The following ATG4A variants were observed in gnomAD, a reference collection of about 807,000 sequenced individuals.
ATG4A encodes autophagy related 4A cysteine peptidase.
In ATG4A, 22 loss-of-function variants were observed where a neutral mutation model predicts 38.4. The ratio of observed to expected loss-of-function variants is 0.57; its 90% CI spans 0.41 to 0.82. The LOEUF (loss-of-function observed/expected upper bound fraction) is 0.82, where lower values mean the gene tolerates loss of function less well. Ranked by LOEUF, ATG4A falls within the 40% of genes least tolerant of loss-of-function variation. The pLI is 0.00. For missense variants in ATG4A, 220 were observed against 290.0 expected (o/e 0.76, Z 1.75); for synonymous variants, 86 against 100.7 (o/e 0.85, Z 0.88).
chrX:108,091,397 G>A (rs2147945345), upstream of ATG4A: 1 of 1,204,965 alleles, frequency 8.3e-7, no homozygotes, highest in South Asian at 1.8e-5. Context: ...GAGACCTAGC[G>A]TTGCTTTACC....
At chrX:108,106,053 C>T (rs749449467) in intron 1 of ATG4A, among the ~76,000 whole-genome samples, 1 of 111,748 alleles carries the variant, frequency 8.9e-6, no homozygotes, top group South Asian at 3.7e-4. Flanking sequence ...TGTAGGGGAA[C>T]AAGGGCTGGA....
At chrX:108,093,680 A>G (rs1203029545) in intron 1 of ATG4A, among the ~76,000 whole-genome samples, 6 of 112,438 alleles carry the variant, frequency 5.3e-5, no homozygotes, top group African/African-American at 6.5e-5. Flanking sequence ...TTGCACTTCC[A>G]CTAGCAATGT....
intron 1 of ATG4A, among the ~76,000 whole-genome samples, chrX:108,119,523 A>G (rs2032595978): frequency 8.9e-6 from 1 of 111,895 alleles, no homozygotes; most frequent in Admixed American, 9.5e-5. Context: ...ATTCTATTCA[A>G]TTTCATTTTT....
intron 9 of ATG4A, among the ~76,000 whole-genome samples, chrX:108,149,015 A>C (rs1277813167): frequency 5.3e-5 from 6 of 112,989 alleles, no homozygotes; most frequent in African/African-American, 1.6e-4. Flanking sequence ...CGATGACCCT[A>C]GTTTAAAAAC....
chrX:108,152,008 G>T, intron 11 of ATG4A, 150 bp downstream of exon 11: 2 of 531,647 alleles, frequency 3.8e-6, no homozygotes, highest in Non-Finnish European at 5.8e-6. Context: ...ACTATCAGGT[G>T]TGGGGAATTG....
intron 1 of ATG4A, among the ~76,000 whole-genome samples, chrX:108,099,374 G>A (rs1049780515): frequency 9.0e-5 from 10 of 111,047 alleles, no homozygotes; most frequent in African/African-American, 1.3e-4. Flanking sequence ...TTTTCAGAGT[G>A]CTTTATGTAT....
intron 3 of ATG4A, among the ~76,000 whole-genome samples, chrX:108,129,569 C>CTTTTTTTTT (rs764613277): frequency 4.2e-5 from 4 of 96,184 alleles, no homozygotes; most frequent in Non-Finnish European, 8.4e-5. Flanking sequence ...TCTTTTCTTT[C>CTTTTTTTTT]TTTTTTTTTT....
At chrX:108,149,748 C>A (rs1009179315) in intron 9 of ATG4A, among the ~76,000 whole-genome samples, 1 of 112,072 alleles carries the variant, frequency 8.9e-6, no homozygotes, top group Admixed American at 9.4e-5. Flanking sequence ...GCAGTCTAGC[C>A]TGAGATGCTT....
chrX:108,108,563 C>T (rs756569242), intron 1 of ATG4A, among the ~76,000 whole-genome samples: 2 of 110,814 alleles, frequency 1.8e-5, no homozygotes, highest in South Asian at 7.7e-4. Flanking sequence ...ACGATCACTA[C>T]CTTCACTGGT....
chrX:108,140,987 C>CGT (rs1569311428), intron 9 of ATG4A, among the ~76,000 whole-genome samples: 1 of 72,989 alleles, frequency 1.4e-5, no homozygotes, highest in Non-Finnish European at 2.4e-5. Flanking sequence ...CATATATATA[C>CGT]GTATATATAT....
At chrX:108,115,613 A>G (rs972290986) in intron 1 of ATG4A, among the ~76,000 whole-genome samples, 1 of 112,378 alleles carries the variant, frequency 8.9e-6, no homozygotes, top group Non-Finnish European at 1.9e-5. Flanking sequence ...AAAGTATGGT[A>G]CACCACAAAT....
intron 4 of ATG4A, among the ~76,000 whole-genome samples, chrX:108,132,975 A>G (rs1002865117): frequency 8.9e-6 from 1 of 111,870 alleles, no homozygotes; most frequent in Admixed American, 9.5e-5. Context: ...TAGAGTATTC[A>G]CTTGCCATTG....
At position 108,097,289 on chromosome X, in the gene ATG4A, G is replaced by C. The variant is rs950016332; in HGVS notation, c.10+5453G>C. 5.4e-5 allele frequency among the ~76,000 whole-genome samples: 6 copies of C among 112,046 alleles called. No individual in the cohort carries two copies. The South Asian group carries it at 2.2e-3, about 42-fold the overall frequency. On this transcript the variant is annotated intron_variant, in intron 1 of 12. Transcript: ENST00000372232. ...CATGCTGCTAAATATTGCTGAAAAT[G>C]GAATTATGTGTAAATGATAATCCTA...
intron 4 of ATG4A, among the ~76,000 whole-genome samples, chrX:108,132,000 A>C: frequency 9.0e-6 from 1 of 111,175 alleles, no homozygotes; most frequent in Admixed American, 9.5e-5. Flanking sequence ...CCCGGGTTCA[A>C]GCAATTCTCC....
chrX:108,141,102 A>ATATG (rs1405099034), intron 9 of ATG4A, among the ~76,000 whole-genome samples: 2 of 78,935 alleles, frequency 2.5e-5, no homozygotes, highest in African/African-American at 9.4e-5. Context: ...ATATATATAT[A>ATATG]TATATATCAC....
At chrX:108,152,134 T>C (rs1171349008) in intron 11 of ATG4A, 1 of 240,832 alleles carries the variant, frequency 4.2e-6, no homozygotes, top group Non-Finnish European at 7.5e-6. Context: ...TAGACAATTA[T>C]TTTCTAAAGG....
At position 108,153,770 on chromosome X, in the gene ATG4A, C is replaced by A. The variant is rs746479428; in HGVS notation, c.*58C>A. The A allele has an allele frequency of 1.3e-5, 13 of 1,022,966 alleles. No individual in the cohort carries two copies. The highest frequency in any genetic ancestry group is 1.9e-5 in the African/African-American group (1 of 53,243). 84.3% of individuals were successfully genotyped at this position (1,022,966 alleles called of 1,213,427 possible). On this transcript the variant is annotated 3_prime_UTR_variant, in exon 13 of 13. Transcript: ENST00000372232. The stretch of plus-strand genomic sequence containing the variant: ...CCATCTGGCACCATAAAAACATGAA[C>A]TTATTGCATAAAACTTTTCTAGTCA...
chrX:108,146,221 C>A (rs914846927), intron 9 of ATG4A, among the ~76,000 whole-genome samples: 2 of 111,869 alleles, frequency 1.8e-5, no homozygotes, highest in Non-Finnish European at 3.8e-5. Context: ...GATTGATGGG[C>A]TGTGATTCTC....
At chrX:108,100,206 G>A (rs1409456173) in intron 1 of ATG4A, among the ~76,000 whole-genome samples, 4 of 111,101 alleles carry the variant, frequency 3.6e-5, no homozygotes, top group Non-Finnish European at 5.7e-5. Context: ...TTTCATTTTT[G>A]GAGTGACTAT....
Sources: gnomAD v4.1 joint callset for allele counts (sites outside exome capture counted in the v4.1 genomes callset) on GRCh38, gnomAD v4.1.1 for gene constraint, MANE v1.5 for transcripts, NCBI Gene and HGNC (gene_info 2026-07-23, HGNC 2026-07-21) for gene names.